Variants in ZMYND11 observed in about 807,000 individuals in gnomAD.
The protein encoded by ZMYND11 is zinc finger MYND-type containing 11.
In ZMYND11, 9 loss-of-function variants were observed where a neutral mutation model predicts 84.9. That is an observed-to-expected ratio of 0.11 (90% CI 0.06 to 0.18). The LOEUF is 0.18. ZMYND11 is among the 10% of genes least tolerant of loss of function. ZMYND11 has a pLI of 1.00. For synonymous variants in ZMYND11, 250 were observed against 244.1 expected, an observed-to-expected ratio of 1.02 and a Z score of -0.23; for missense variants, 409 against 761.0, an observed-to-expected ratio of 0.54 and a Z score of 5.44.
chr10:232,978 C>T (rs1225745899), intron 4 of ZMYND11, among the ~76,000 whole-genome samples: 1 of 152,176 alleles, frequency 6.6e-6, no homozygotes, highest in Non-Finnish European at 1.5e-5. Context: ...TTTGAAGATA[C>T]ACCACTTTAC....
chr10:243,145 AATCTTGATACATTAGTC>A (rs1951385764), intron 10 of ZMYND11, among the ~76,000 whole-genome samples: 1 of 152,194 alleles, frequency 6.6e-6, no homozygotes, highest in Non-Finnish European at 1.5e-5. Context: ...CTTCTACCCT[AATCTTGATACATTAGTC>A]AGTTTCTCTG....
At chr10:215,980 C>G (rs1028964988) in intron 3 of ZMYND11, among the ~76,000 whole-genome samples, 6 of 152,014 alleles carry the variant, frequency 3.9e-5, no homozygotes, top group African/African-American at 1.4e-4. Context: ...AGAGATTAAC[C>G]TATTGGGGAT....
intron 2 of ZMYND11, among the ~76,000 whole-genome samples, chr10:180,822 C>T (rs1847734576): frequency 6.6e-6 from 1 of 152,156 alleles, no homozygotes; most frequent in Non-Finnish European, 1.5e-5. Flanking sequence ...TAGTAAGAAA[C>T]ATCTTACTAC....
intron 1 of ZMYND11, among the ~76,000 whole-genome samples, chr10:163,250 A>C (rs546107146): frequency 6.6e-6 from 1 of 151,692 alleles, no homozygotes; most frequent in Admixed American, 6.6e-5. Flanking sequence ...CTGGGAAGCA[A>C]CTCTCAGTGT....
intron 2 of ZMYND11, among the ~76,000 whole-genome samples, chr10:190,568 C>G (rs1393462293): frequency 6.6e-6 from 1 of 152,152 alleles, no homozygotes; most frequent in Non-Finnish European, 1.5e-5. Flanking sequence ...AATTTTAGGT[C>G]TGGTTATGCT....
At chr10:181,516 G>A (rs1847880304) in intron 2 of ZMYND11, among the ~76,000 whole-genome samples, 1 of 152,210 alleles carries the variant, frequency 6.6e-6, no homozygotes, top group African/African-American at 2.4e-5. Flanking sequence ...CCACTCAGGA[G>A]GCTGAGGTGG....
chr10:243,672 T>C (rs1317111436), intron 10 of ZMYND11, among the ~76,000 whole-genome samples: 1 of 152,196 alleles, frequency 6.6e-6, no homozygotes, highest in Non-Finnish European at 1.5e-5. Flanking sequence ...GAGACCATCC[T>C]GGATAACACA....
At chr10:180,981 CA>C (rs879903039) in intron 2 of ZMYND11, among the ~76,000 whole-genome samples, 88 of 144,886 alleles carry the variant, frequency 6.1e-4, no homozygotes, top group Middle Eastern at 7.1e-3. Context: ...TTCAGGATAC[CA>C]AAAAAAAAAA....
chr10:254,480 C>T lies in ZMYND11; in HGVS notation c.*2010C>T, dbSNP rs865932013. The T allele has an allele frequency of 6.5e-5, 10 of 152,672 alleles. No homozygotes were observed. Among genetic ancestry groups the T allele is most frequent in the Middle Eastern group, 6.8e-3 (2 of 294 alleles). 9.5% of individuals were successfully genotyped at this position (152,672 alleles called of 1,614,324 possible). On this transcript the variant is annotated 3_prime_UTR_variant, in exon 15 of 15. Coordinates refer to ENST00000381604, the MANE Select transcript of ZMYND11 (RefSeq NM_001370100.5). ...TTTTCTGCAAATCATAAAGCTATATCGAGGTGTTGAGCTTAGCCACTATGC... is the reference window on the plus strand; with the variant it reads ...TTTTCTGCAAATCATAAAGCTATATTGAGGTGTTGAGCTTAGCCACTATGC...
rs765869605 is a variant in ZMYND11, at chr10:239,420, G to GT, written c.610-12dup. The stretch of plus-strand genomic sequence containing the variant: ...TACTGGTAACTCTTTTCGTCATTCT[G>GT]TTTTTTGCCCTCTGCAGAAAGTGAA... On this transcript the variant is annotated splice_polypyrimidine_tract_variant and intron_variant, in intron 6 of 14. Coordinates refer to ENST00000381604, the MANE Select transcript of ZMYND11 (RefSeq NM_001370100.5). The GT allele has an allele frequency of 4.4e-6, 7 of 1,605,136 alleles. No homozygotes were observed. The South Asian group carries it at 4.5e-5, about 10-fold the overall frequency.
chr10:199,683 T>C (rs983577711), intron 2 of ZMYND11, among the ~76,000 whole-genome samples: 38 of 152,280 alleles, frequency 2.5e-4, no homozygotes, highest in Admixed American at 5.2e-4. Flanking sequence ...CCCTCCTGTC[T>C]CAGCCTCCTA....
intron 1 of ZMYND11, among the ~76,000 whole-genome samples, chr10:156,694 A>G (rs1841799284): frequency 6.6e-6 from 1 of 152,244 alleles, no homozygotes; most frequent in Admixed American, 6.5e-5. Flanking sequence ...TAAATTTGGA[A>G]GTAAACTAGT....
intron 1 of ZMYND11, among the ~76,000 whole-genome samples, chr10:145,047 T>C (rs1226997404): frequency 6.6e-6 from 1 of 151,386 alleles, no homozygotes; most frequent in Non-Finnish European, 1.5e-5. Flanking sequence ...CTGAGTTATT[T>C]CATTTAGAAT....
rs1324995823 is a variant in ZMYND11 at position 246,977 on chromosome 10, A to G, written c.1158+4A>G. 6.3e-7 allele frequency: 1 copy of G among 1,598,788 alleles called. No homozygotes were observed. The highest frequency in any genetic ancestry group is 8.5e-7 in the Non-Finnish European group (1 of 1,172,112). On this transcript the variant is annotated splice_donor_region_variant and intron_variant, in intron 11 of 14. Transcript: ENST00000381604. ...CTCCTCCACCAGTAATGAGCAGGTG[A>G]GTGTGTCTCCGGAAGGAAGTGCCTA... is the stretch of plus-strand genomic sequence containing the variant.
intron 10 of ZMYND11, among the ~76,000 whole-genome samples, chr10:243,801 C>T (rs1269319087): frequency 6.6e-6 from 1 of 152,130 alleles, no homozygotes; most frequent in East Asian, 1.9e-4. Context: ...GGAGGTAGAG[C>T]TTGCAGTGAG....
chr10:159,281 G>C (rs1554760762), intron 1 of ZMYND11, among the ~76,000 whole-genome samples: 1 of 152,024 alleles, frequency 6.6e-6, no homozygotes, highest in East Asian at 1.9e-4. Context: ...GGGTCAAAGA[G>C]TAAATGTATA....
At chr10:210,983 C>T (rs1324685639) in intron 3 of ZMYND11, among the ~76,000 whole-genome samples, 2 of 150,812 alleles carry the variant, frequency 1.3e-5, no homozygotes, top group Non-Finnish European at 3.0e-5. Context: ...GGCAACATAG[C>T]CCCCATCTCT....
chr10:175,998 A>G (rs1417663220), intron 1 of ZMYND11, among the ~76,000 whole-genome samples: 1 of 152,194 alleles, frequency 6.6e-6, no homozygotes, highest in Non-Finnish European at 1.5e-5. Flanking sequence ...CTTGTTAACT[A>G]TTGTGTTTAT....
chr10:145,985 G>A (rs1444093846), intron 1 of ZMYND11, among the ~76,000 whole-genome samples: 1 of 151,964 alleles, frequency 6.6e-6, no homozygotes, highest in Non-Finnish European at 1.5e-5. Flanking sequence ...TTTTCCTATG[G>A]TTTCTTCTAG....
Sources: gnomAD v4.1 joint callset for allele counts (sites outside exome capture counted in the v4.1 genomes callset) on GRCh38, gnomAD v4.1.1 for gene constraint, MANE v1.5 for transcripts, NCBI Gene and HGNC (gene_info 2026-07-23, HGNC 2026-07-21) for gene names.